SLC35F1: variants seen among roughly 807,000 people sequenced by gnomAD.
SLC35F1 encodes the protein chromosome 6 open reading frame 169.
SLC35F1 carries 14 observed loss-of-function variants against 48.7 expected under a neutral mutation model. The ratio of observed to expected loss-of-function variants is 0.29; its 90% CI spans 0.19 to 0.45. SLC35F1 has a LOEUF of 0.45. Among genes scored for constraint, SLC35F1 ranks in the 20% least tolerant of loss-of-function variants. The pLI is 1.00. For synonymous variants in SLC35F1, 190 were observed against 202.2 expected, an observed-to-expected ratio of 0.94 and a Z score of 0.51; for missense variants, 404 against 500.0, an observed-to-expected ratio of 0.81 and a Z score of 1.83.
chr6:118,190,589 C>T (rs893612547), intron 2 of SLC35F1, among the ~76,000 whole-genome samples: 5 of 152,194 alleles, frequency 3.3e-5, no homozygotes, highest in Admixed American at 1.3e-4. Flanking sequence ...CATGGTCACA[C>T]ATTTCTTTCA....
chr6:118,241,104 A>G (rs984918252), intron 3 of SLC35F1, among the ~76,000 whole-genome samples: 4 of 152,242 alleles, frequency 2.6e-5, no homozygotes, highest in African/African-American at 7.2e-5. Flanking sequence ...AAGCTGGGCC[A>G]TATTGTAGAA....
At chr6:118,064,230 G>A (rs542160254) in intron 1 of SLC35F1, among the ~76,000 whole-genome samples, 1 of 152,286 alleles carries the variant, frequency 6.6e-6, no homozygotes, top group Admixed American at 6.5e-5. Context: ...CTGCCTACAT[G>A]ATTCAGTTAC....
At chr6:118,108,229 A>T (rs1445604593) in intron 1 of SLC35F1, among the ~76,000 whole-genome samples, 1 of 152,142 alleles carries the variant, frequency 6.6e-6, no homozygotes, top group Non-Finnish European at 1.5e-5. Context: ...AACTCTCTGG[A>T]ACTTGATGTT....
At chr6:117,948,502 G>A (rs1776322022) in intron 1 of SLC35F1, among the ~76,000 whole-genome samples, 1 of 152,090 alleles carries the variant, frequency 6.6e-6, no homozygotes. Flanking sequence ...TCTGGTTCTG[G>A]TGGAGGGTCT....
intron 1 of SLC35F1, among the ~76,000 whole-genome samples, chr6:118,060,861 C>A (rs941699073): frequency 6.6e-6 from 1 of 152,176 alleles, no homozygotes; most frequent in African/African-American, 2.4e-5. Flanking sequence ...AATTAAATAG[C>A]TTGTCCATAG....
chr6:118,141,057 T>A (rs774770506), intron 1 of SLC35F1, among the ~76,000 whole-genome samples: 6 of 152,210 alleles, frequency 3.9e-5, no homozygotes, highest in Admixed American at 2.6e-4. Flanking sequence ...CTAAATTTAG[T>A]ACAGCCTAAG....
In SLC35F1 at chr6:117,932,127, C is replaced by T. The variant is rs892853081; in HGVS notation, c.173+24228C>T. On this transcript the variant is annotated intron_variant, in intron 1 of 7. Coordinates refer to ENST00000360388, the MANE Select transcript of SLC35F1 (RefSeq NM_001029858.4). ...AGGACACAGTGTTCATCTTTTTTGC[C>T]CTCCCACTGTGTGAGGACGCAGCAA... Among the ~76,000 whole-genome samples the T allele has an allele frequency of 3.3e-5, 5 of 152,098 alleles. No individual in the cohort carries two copies. In the East Asian group the frequency reaches 9.7e-4, roughly 30 times the overall value.
intron 1 of SLC35F1, among the ~76,000 whole-genome samples, chr6:118,030,118 A>G (rs1772023553): frequency 6.6e-6 from 1 of 152,228 alleles, no homozygotes. Context: ...GCGAGGAAGC[A>G]AACAATGCTT....
chr6:117,953,984 T>C (rs879680099), intron 1 of SLC35F1, among the ~76,000 whole-genome samples: 1 of 152,232 alleles, frequency 6.6e-6, no homozygotes, highest in Non-Finnish European at 1.5e-5. Context: ...CAGGGTCCCG[T>C]GGATGAAGAG....
At chr6:118,089,053 C>G (rs1562286255) in intron 1 of SLC35F1, among the ~76,000 whole-genome samples, 1 of 152,108 alleles carries the variant, frequency 6.6e-6, no homozygotes, top group Non-Finnish European at 1.5e-5. Context: ...TGCAGAAACC[C>G]AGAAAGAAAT....
chr6:118,086,052 A>G (rs555005284), intron 1 of SLC35F1, among the ~76,000 whole-genome samples: 3 of 152,326 alleles, frequency 2.0e-5, no homozygotes, highest in South Asian at 4.1e-4. Flanking sequence ...GGTAGGAAAA[A>G]GAATGTTCAG....
intron 7 of SLC35F1, among the ~76,000 whole-genome samples, chr6:118,286,775 CTGTGTGTGTGTGTG>C (rs372641234): frequency 1.4e-5 from 2 of 143,578 alleles, no homozygotes; most frequent in Admixed American, 6.9e-5. Flanking sequence ...TACCTTTTTT[CTGTGTGTGTGTGTG>C]TGTGTGTGTG....
chr6:117,990,040 T>G (rs1776896325), intron 1 of SLC35F1, among the ~76,000 whole-genome samples: 3 of 152,160 alleles, frequency 2.0e-5, no homozygotes, highest in African/African-American at 4.8e-5. Flanking sequence ...AGTATTTTCT[T>G]TCTGCTTGAA....
chr6:118,089,051 C>A (rs1773033895), intron 1 of SLC35F1, among the ~76,000 whole-genome samples: 1 of 152,094 alleles, frequency 6.6e-6, no homozygotes, highest in African/African-American at 2.4e-5. Context: ...GTTGCAGAAA[C>A]CCAGAAAGAA....
At position 118,209,222 on chromosome 6, in the gene SLC35F1, G is replaced by C. The variant is rs150292155; in HGVS notation, c.350-26287G>C. Among the ~76,000 whole-genome samples the C allele has an allele frequency of 1.1e-3, 169 of 152,228 alleles. No homozygotes were observed. The East Asian group carries it at 0.021, about 19-fold the overall frequency. ...TAAAAACAGTTTTCCCTGAGTCTTTGGGTCTTCATTTCTGAAGGCTCCCAT... is the reference window on the plus strand; with the variant it reads ...TAAAAACAGTTTTCCCTGAGTCTTTCGGTCTTCATTTCTGAAGGCTCCCAT... On this transcript the variant is annotated intron_variant, in intron 2 of 7. Coordinates refer to ENST00000360388, the MANE Select transcript of SLC35F1 (RefSeq NM_001029858.4).
At chr6:118,054,560 C>G (rs1263292048) in intron 1 of SLC35F1, among the ~76,000 whole-genome samples, 1 of 152,042 alleles carries the variant, frequency 6.6e-6, no homozygotes, top group Non-Finnish European at 1.5e-5. Flanking sequence ...CTCTATATGC[C>G]ATTTTGGCAA....
chr6:118,083,405 A>G (rs1772940796), intron 1 of SLC35F1, among the ~76,000 whole-genome samples: 2 of 152,194 alleles, frequency 1.3e-5, no homozygotes, highest in South Asian at 2.1e-4. Flanking sequence ...TGTACTGAGA[A>G]TACGTCCTTG....
chr6:118,250,843 G>A (rs1216612671), intron 3 of SLC35F1, among the ~76,000 whole-genome samples: 2 of 151,954 alleles, frequency 1.3e-5, no homozygotes, highest in Non-Finnish European at 2.9e-5. Context: ...GTGGTGGTGC[G>A]TGCCCGTAAT....
At chr6:117,923,748 T>TGC (rs1775967253) in intron 1 of SLC35F1, among the ~76,000 whole-genome samples, 1 of 65,086 alleles carries the variant, frequency 1.5e-5, no homozygotes. Context: ...TACATATATG[T>TGC]ACATATATAC....
Sources: gnomAD v4.1 joint callset for allele counts (sites outside exome capture counted in the v4.1 genomes callset) on GRCh38, gnomAD v4.1.1 for gene constraint, MANE v1.5 for transcripts, NCBI Gene and HGNC (gene_info 2026-07-23, HGNC 2026-07-21) for gene names.